The following GRM8 variants were observed in gnomAD, a reference collection of about 807,000 sequenced individuals.
The protein encoded by GRM8 is glutamate metabotropic receptor 8, also known as metabotropic glutamate receptor 8.
Under a neutral mutation model 87.2 loss-of-function variants are expected in GRM8, and 47 were observed. The observed-to-expected ratio is 0.54, with a 90% CI of 0.43 to 0.69. The LOEUF (loss-of-function observed/expected upper bound fraction) is 0.69. Ranked by LOEUF, GRM8 falls within the 30% of genes least tolerant of loss-of-function variation. The pLI is 0.00. For synonymous variants in GRM8, 396 were observed against 404.5 expected, an observed-to-expected ratio of 0.98 and a Z score of 0.25; for missense variants, 1,019 against 1,139.2, an observed-to-expected ratio of 0.89 and a Z score of 1.52.
chr7:126,614,523 T>C (rs1404201026), intron 7 of GRM8, among the ~76,000 whole-genome samples: 2 of 152,148 alleles, frequency 1.3e-5, no homozygotes, highest in Admixed American at 1.3e-4. Context: ...CAAAGCTGGA[T>C]GGAGAATGAC....
chr7:126,552,824 A>T (rs1451026957), intron 8 of GRM8, among the ~76,000 whole-genome samples: 1 of 152,150 alleles, frequency 6.6e-6, no homozygotes, highest in African/African-American at 2.4e-5. Flanking sequence ...CCATATTGAC[A>T]AGGCACTTTG....
chr7:127,086,758 A>G (rs1175530766), intron 3 of GRM8, among the ~76,000 whole-genome samples: 2 of 152,214 alleles, frequency 1.3e-5, no homozygotes, highest in Non-Finnish European at 2.9e-5. Flanking sequence ...GCCAGGGTGC[A>G]GTGCATCTTA....
At chr7:126,853,591 G>A (rs949743049) in intron 6 of GRM8, among the ~76,000 whole-genome samples, 1 of 152,074 alleles carries the variant, frequency 6.6e-6, no homozygotes, top group Non-Finnish European at 1.5e-5. Flanking sequence ...ACAGGATTAT[G>A]TATACATATA....
intron 8 of GRM8, among the ~76,000 whole-genome samples, chr7:126,575,629 A>T (rs1241049125): frequency 6.6e-6 from 1 of 152,028 alleles, no homozygotes; most frequent in Non-Finnish European, 1.5e-5. Flanking sequence ...TAAGAAAAAA[A>T]ATTTAACCAA....
At chr7:127,214,692 A>T (rs1796418999) in intron 2 of GRM8, among the ~76,000 whole-genome samples, 1 of 152,140 alleles carries the variant, frequency 6.6e-6, no homozygotes, top group South Asian at 2.1e-4. Flanking sequence ...GCATGGGGAA[A>T]ATCTGCCCCC....
In GRM8 at chr7:126,718,154, G is replaced by A. The variant is rs368547804; in HGVS notation, c.1357+51711C>T. Among the ~76,000 whole-genome samples the A allele has an allele frequency of 1.6e-4, 25 of 152,122 alleles. 1 individual carries two copies. Among genetic ancestry groups the A allele is most frequent in the South Asian group, 1.0e-3 (5 of 4,810 alleles). On this transcript the variant is annotated intron_variant, in intron 7 of 10. Transcript: ENST00000339582. ...CGGGAGGCTGAGGCAGGAGAATGGCGTGAATCCAGGAGTGGGAGCTTGCAG... is the reference window on the plus strand; with the variant it reads ...CGGGAGGCTGAGGCAGGAGAATGGCATGAATCCAGGAGTGGGAGCTTGCAG...
intron 6 of GRM8, among the ~76,000 whole-genome samples, chr7:126,771,303 G>A (rs779910199): frequency 2.0e-5 from 3 of 151,244 alleles, no homozygotes; most frequent in African/African-American, 4.9e-5. Flanking sequence ...TTTATTCATC[G>A]AATTATTGTT....
intron 3 of GRM8, chr7:127,076,087 G>T (rs968552188): frequency 6.8e-6 from 3 of 441,078 alleles, no homozygotes; most frequent in Non-Finnish European, 1.4e-5. Flanking sequence ...GAAGAAACTT[G>T]AGAAAGGTGG....
Position 126,475,032 on chromosome 7 carries a change from C to T in GRM8, c.2431-28660G>A, listed in dbSNP as rs992172735. Among the ~76,000 whole-genome samples the T allele has an allele frequency of 3.3e-5, 5 of 152,030 alleles. No homozygotes were observed. The East Asian group carries it at 5.8e-4, about 18-fold the overall frequency. On this transcript the variant is annotated intron_variant, in intron 9 of 10. Transcript: ENST00000339582. ...AAATCACAGCTAATGTCATACTTCA[C>T]AGTGAAAAGCTGATAGCTTTTCCTC...
intron 9 of GRM8, among the ~76,000 whole-genome samples, chr7:126,452,457 T>G (rs1346267212): frequency 6.7e-6 from 1 of 149,592 alleles, no homozygotes; most frequent in Admixed American, 6.7e-5. Flanking sequence ...GAAAGAAAAC[T>G]GTTTGGATAA....
chr7:126,526,592 C>A (rs990056138), intron 9 of GRM8, among the ~76,000 whole-genome samples: 2 of 152,108 alleles, frequency 1.3e-5, no homozygotes, highest in African/African-American at 4.8e-5. Flanking sequence ...CTCAGAACCC[C>A]CAAAAGTAGG....
chr7:126,532,843 T>C (rs1233935993), intron 9 of GRM8, 109 bp downstream of exon 9: 1 of 529,838 alleles, frequency 1.9e-6, no homozygotes, highest in Non-Finnish European at 3.4e-6. Flanking sequence ...TAGCACAGAC[T>C]GAAGCATCTT....
rs889888656 is a variant in GRM8 at position 126,706,185 on chromosome 7, T to C, written c.1357+63680A>G. ...AATTGCCTAGTAGATTTTAAAAATC[T>C]ATAGTATAGGTGTTTTAATCAGGGG... is the stretch of plus-strand genomic sequence containing the variant. On this transcript the variant is annotated intron_variant, in intron 7 of 10. Transcript: ENST00000339582. Among the ~76,000 whole-genome samples, 2 of 152,180 alleles carry C rather than the reference T, an allele frequency of 1.3e-5. 1 individual carries two copies. Among genetic ancestry groups the C allele is most frequent in the South Asian group, 4.1e-4 (2 of 4,834 alleles).
intron 7 of GRM8, among the ~76,000 whole-genome samples, chr7:126,678,489 T>TG (rs1377918712): frequency 2.0e-5 from 3 of 152,280 alleles, no homozygotes; most frequent in African/African-American, 4.8e-5. Flanking sequence ...AACATTCTTT[T>TG]GGGGGGCAAG....
chr7:127,015,209 A>G lies in GRM8; in HGVS notation c.727+91287T>C, dbSNP rs867891380. ...GAAGAAGAAGAAGAAGAAGAAGAAGAAGAAGAAGAAGAAGAAGAAGAAGAA... is the reference window on the plus strand; with the variant it reads ...GAAGAAGAAGAAGAAGAAGAAGAAGGAGAAGAAGAAGAAGAAGAAGAAGAA... On this transcript the variant is annotated intron_variant, in intron 3 of 10. Coordinates refer to ENST00000339582, the MANE Select transcript of GRM8 (RefSeq NM_000845.3). 7.9e-4 allele frequency among the ~76,000 whole-genome samples: 97 copies of G among 123,336 alleles called. 1 individual carries two copies. Among genetic ancestry groups the G allele is most frequent in the African/African-American group, 9.5e-4 (28 of 29,410 alleles). 80.9% of individuals were successfully genotyped at this position (123,336 alleles called of 152,430 possible).
chr7:126,613,400 T>C (rs570366321), intron 7 of GRM8, among the ~76,000 whole-genome samples: 4 of 151,784 alleles, frequency 2.6e-5, no homozygotes, highest in South Asian at 2.1e-4. Flanking sequence ...CAGAGTGGGG[T>C]TCCAAGATGG....
intron 7 of GRM8, among the ~76,000 whole-genome samples, chr7:126,716,421 G>T (rs944709227): frequency 6.6e-6 from 1 of 152,046 alleles, no homozygotes; most frequent in Non-Finnish European, 1.5e-5. Flanking sequence ...TTCAGAAAGG[G>T]ATCAGTTAGG....
At chr7:126,945,793 T>C (rs751308077) in intron 3 of GRM8, among the ~76,000 whole-genome samples, 2 of 152,214 alleles carry the variant, frequency 1.3e-5, no homozygotes, top group Non-Finnish European at 2.9e-5. Flanking sequence ...CTATACATTT[T>C]GTCAAGGGAA....
intron 2 of GRM8, among the ~76,000 whole-genome samples, chr7:127,128,332 T>A (rs1389848982): frequency 6.6e-6 from 1 of 152,114 alleles, no homozygotes; most frequent in African/African-American, 2.4e-5. Flanking sequence ...CTGATAATCA[T>A]CTAGTTTTGA....
Sources: gnomAD v4.1 joint callset for allele counts (sites outside exome capture counted in the v4.1 genomes callset) on GRCh38, gnomAD v4.1.1 for gene constraint, MANE v1.5 for transcripts, NCBI Gene and HGNC (gene_info 2026-07-23, HGNC 2026-07-21) for gene names.